SGCZ: variants seen among roughly 807,000 people sequenced by gnomAD.
SGCZ encodes the protein zeta-sarcoglycan.
SGCZ carries 40 observed loss-of-function variants against 41.3 expected under a neutral mutation model. The ratio of observed to expected loss-of-function variants is 0.97; its 90% CI spans 0.75 to 1.26. The LOEUF (loss-of-function observed/expected upper bound fraction) is 1.26, where lower values mean the gene tolerates loss of function less well. Ranked by LOEUF, SGCZ falls within the 50% of genes most tolerant of loss-of-function variation. SGCZ has a pLI of 0.00. For synonymous variants in SGCZ, 206 were observed against 137.5 expected (o/e 1.50, Z -3.49); for missense variants, 552 against 369.8 (o/e 1.49, Z -4.04).
intron 1 of SGCZ, among the ~76,000 whole-genome samples, chr8:15,236,742 C>A (rs930360203): frequency 2.0e-5 from 3 of 152,188 alleles, no homozygotes; most frequent in Non-Finnish European, 2.9e-5. Context: ...GTTGTCACCC[C>A]GGATGCTCCC....
chr8:14,417,104 A>C (rs1799514013), intron 2 of SGCZ, among the ~76,000 whole-genome samples: 1 of 151,836 alleles, frequency 6.6e-6, no homozygotes, highest in Non-Finnish European at 1.5e-5. Flanking sequence ...TCTATGCTCA[A>C]CCTGTTTCTT....
chr8:14,441,901 T>C (rs1441128251), intron 2 of SGCZ, among the ~76,000 whole-genome samples: 1 of 152,176 alleles, frequency 6.6e-6, no homozygotes, highest in Admixed American at 6.5e-5. Flanking sequence ...GAAAAATGTT[T>C]TTCCAGTATG....
intron 1 of SGCZ, among the ~76,000 whole-genome samples, chr8:14,904,830 C>T (rs1022028373): frequency 2.0e-5 from 3 of 151,890 alleles, no homozygotes; most frequent in African/African-American, 7.2e-5. Context: ...CACAGATTTT[C>T]TCTATAATCT....
At chr8:14,999,554 G>T (rs1163428651) in intron 1 of SGCZ, among the ~76,000 whole-genome samples, 5 of 152,176 alleles carry the variant, frequency 3.3e-5, no homozygotes, top group Admixed American at 6.5e-5. Context: ...CGAGAAAAAG[G>T]AGGAAGTGGT....
Position 14,710,420 on chromosome 8 carries a change from C to G in SGCZ, c.40-155494G>C, listed in dbSNP as rs373504071. 1.9e-3 allele frequency among the ~76,000 whole-genome samples: 273 copies of G among 144,656 alleles called. 3 individuals are homozygous for G. In the East Asian group the frequency reaches 0.022, roughly 11 times the overall value. 94.9% of individuals were successfully genotyped at this position (144,656 alleles called of 152,430 possible). On this transcript the variant is annotated intron_variant, in intron 1 of 7. Coordinates refer to ENST00000382080, the MANE Select transcript of SGCZ (RefSeq NM_139167.4). ...TAAATTAATGGTTCTTATTTTCAAA[C>G]TTGATCTAACAATTCAATGGAGCAA...
rs191561854 is a variant in SGCZ, at chr8:14,102,637, C to T, written c.621-138G>A. 6.0e-4 allele frequency: 478 copies of T among 801,734 alleles called. 1 individual carries two copies. The highest frequency in any genetic ancestry group is 9.7e-4 in the Admixed American group (22 of 22,670). The allele number at this position is 801,734 out of a possible 1,614,324, so 49.7% of individuals were successfully genotyped here. ...AGACAGACAGGCATAAAGGAAAAGT[C>T]CTACCATTTTAGGCAAAGCCAGAAT... On this transcript the variant is annotated intron_variant, in intron 6 of 7. Coordinates refer to ENST00000382080, the MANE Select transcript of SGCZ (RefSeq NM_139167.4).
chr8:14,235,982 C>G (rs936831492), intron 4 of SGCZ, among the ~76,000 whole-genome samples: 1 of 152,142 alleles, frequency 6.6e-6, no homozygotes, highest in African/African-American at 2.4e-5. Context: ...CGTGCCTGAC[C>G]CTTAATTTAC....
chr8:15,022,212 AAC>A (rs1467923959), intron 1 of SGCZ, among the ~76,000 whole-genome samples: 2 of 152,254 alleles, frequency 1.3e-5, no homozygotes, highest in African/African-American at 4.8e-5. Context: ...TTTGTTCAAA[AAC>A]ACATGTAATA....
At chr8:15,110,334 C>T (rs369147682) in intron 1 of SGCZ, among the ~76,000 whole-genome samples, 2 of 152,144 alleles carry the variant, frequency 1.3e-5, no homozygotes, top group African/African-American at 2.4e-5. Context: ...GCTCTAGAGA[C>T]TTTAGGAGAA....
At chr8:14,591,890 C>G (rs1384304550) in intron 1 of SGCZ, among the ~76,000 whole-genome samples, 1 of 152,080 alleles carries the variant, frequency 6.6e-6, no homozygotes, top group Non-Finnish European at 1.5e-5. Context: ...TAAGTCCATA[C>G]AATTAGATTA....
chr8:14,201,451 A>G (rs1166096570), intron 4 of SGCZ, among the ~76,000 whole-genome samples: 2 of 152,212 alleles, frequency 1.3e-5, no homozygotes, highest in African/African-American at 4.8e-5. Flanking sequence ...AGTAATAAAA[A>G]GGAACAAAAT....
In SGCZ at chr8:15,038,302, C is replaced by T. The variant is rs887423204; in HGVS notation, c.39+199283G>A. Among the ~76,000 whole-genome samples the T allele has an allele frequency of 1.4e-4, 21 of 152,092 alleles. 1 individual carries two copies. Among genetic ancestry groups the T allele is most frequent in the African/African-American group, 4.6e-4 (19 of 41,502 alleles). ...AATAGAGAGCCCAGAAATAAATCTGCCTACTTACGGTCAATTGATTTTTGA... is the reference window on the plus strand; with the variant it reads ...AATAGAGAGCCCAGAAATAAATCTGTCTACTTACGGTCAATTGATTTTTGA... On this transcript the variant is annotated intron_variant, in intron 1 of 7. Coordinates refer to ENST00000382080, the MANE Select transcript of SGCZ (RefSeq NM_139167.4).
At chr8:14,947,623 A>C (rs1451698636) in intron 1 of SGCZ, among the ~76,000 whole-genome samples, 2 of 152,206 alleles carry the variant, frequency 1.3e-5, no homozygotes, top group African/African-American at 4.8e-5. Context: ...CTTCAGTGCA[A>C]ATAATAAGCT....
In SGCZ at chr8:14,871,413, C is replaced by T. The variant is rs1804145874; in HGVS notation, c.40-316487G>A. Among the ~76,000 whole-genome samples the T allele has an allele frequency of 2.0e-5, 3 of 152,088 alleles. No homozygotes were observed. In the South Asian group the frequency reaches 6.2e-4, roughly 31 times the overall value. On this transcript the variant is annotated intron_variant, in intron 1 of 7. Transcript: ENST00000382080. Reference sequence around the variant, plus strand: ...TATACCCAAAGGATCATAAATCATTCTACTATAAAGATACATGCACACATA... The same window carrying T: ...TATACCCAAAGGATCATAAATCATTTTACTATAAAGATACATGCACACATA...
intron 1 of SGCZ, among the ~76,000 whole-genome samples, chr8:15,185,433 C>T (rs1294148576): frequency 1.3e-5 from 2 of 152,182 alleles, no homozygotes; most frequent in African/African-American, 4.8e-5. Flanking sequence ...TTTAAGTACT[C>T]ACTGAGACAC....
chr8:14,759,025 A>AAT (rs1799772981), intron 1 of SGCZ, among the ~76,000 whole-genome samples: 1 of 151,308 alleles, frequency 6.6e-6, no homozygotes, highest in African/African-American at 2.4e-5. Flanking sequence ...AAAAAAAAAA[A>AAT]TTCTTTACAG....
chr8:15,089,307 T>C (rs2131059618), intron 1 of SGCZ, among the ~76,000 whole-genome samples: 1 of 152,314 alleles, frequency 6.6e-6, no homozygotes, highest in Admixed American at 6.5e-5. Flanking sequence ...TAAATAGATT[T>C]TAACATGTTC....
chr8:14,405,821 G>C (rs1278273709), intron 2 of SGCZ, among the ~76,000 whole-genome samples: 1 of 152,118 alleles, frequency 6.6e-6, no homozygotes, highest in Admixed American at 6.6e-5. Flanking sequence ...AAATACATTA[G>C]AACATTTCGG....
At chr8:14,307,663 TTGTGATC>T (rs1280035560) in intron 3 of SGCZ, among the ~76,000 whole-genome samples, 5 of 152,126 alleles carry the variant, frequency 3.3e-5, no homozygotes, top group African/African-American at 1.2e-4. Context: ...CACATAAAAT[TTGTGATC>T]TGTCCCATGT....
Sources: allele counts gnomAD v4.1 joint callset (sites outside exome capture counted in the v4.1 genomes callset), GRCh38; gene constraint gnomAD v4.1.1; transcripts MANE v1.5; gene names NCBI Gene and HGNC (gene_info 2026-07-23, HGNC 2026-07-21).